Variants in PCDHGA7 observed in about 807,000 individuals in gnomAD.
PCDHGA7 encodes the protein protocadherin gamma-A7.
Under a neutral mutation model 58.3 loss-of-function variants are expected in PCDHGA7, and 44 were observed. The ratio of observed to expected loss-of-function variants is 0.75; its 90% CI spans 0.59 to 0.97. The LOEUF (loss-of-function observed/expected upper bound fraction) is 0.97, where lower values mean the gene tolerates loss of function less well. PCDHGA7 is among the 50% of genes least tolerant of loss of function. The pLI is 0.00. For synonymous variants in PCDHGA7, 516 were observed against 504.2 expected (o/e 1.02, Z -0.31); for missense variants, 1,266 against 1,188.7 (o/e 1.06, Z -0.96).
At position 141,511,916 on chromosome 5, in the gene PCDHGA7, C is replaced by T. The variant is rs2099884006; in HGVS notation, c.*743C>T. ...CCACCTCCTCCTCAAACAAGAGACT[C>T]CACTGCATGTTCCAAGACAGTATGG... On this transcript the variant is annotated 3_prime_UTR_variant, in exon 4 of 4. Coordinates refer to ENST00000518325, the MANE Select transcript of PCDHGA7 (RefSeq NM_018920.4). The T allele has an allele frequency of 6.4e-6, 1 of 156,466 alleles. No individual in the cohort carries two copies. The highest frequency in any genetic ancestry group is 2.4e-5 in the African/African-American group (1 of 41,474). The allele number at this position is 156,466 out of a possible 1,614,324, so 9.7% of individuals were successfully genotyped here.
chr5:141,479,328 G>A (rs568506786), intron 1 of PCDHGA7: 1 of 152,654 alleles, frequency 6.6e-6, no homozygotes, highest in East Asian at 1.9e-4. Flanking sequence ...CAGACTCAGT[G>A]GTGTGCACCT....
In PCDHGA7 at chr5:141,505,363, T is replaced by C. The variant is rs751635403; in HGVS notation, c.2484-30T>C. 1.6e-5 allele frequency: 26 copies of C among 1,613,242 alleles called. No individual in the cohort carries two copies. In the Middle Eastern group the frequency reaches 9.9e-4, roughly 61 times the overall value. On this transcript the variant is annotated intron_variant, in intron 2 of 3. Transcript: ENST00000518325. ...GGCATGAGCTGTGCCGGCCTGGGAG[T>C]CTGTGCTCACCATCCTACTCTCTCC... is the stretch of plus-strand genomic sequence containing the variant.
chr5:141,423,759 G>C, intron 1 of PCDHGA7: 1 of 321,042 alleles, frequency 3.1e-6, no homozygotes, highest in Non-Finnish European at 4.5e-6. Flanking sequence ...TTGGGGGGGG[G>C]GTGGGGCGGC....
intron 1 of PCDHGA7, among the ~76,000 whole-genome samples, chr5:141,386,562 A>G (rs979902403): frequency 3.0e-4 from 45 of 152,130 alleles, no homozygotes; most frequent in Non-Finnish European, 4.7e-4. Context: ...TATTTTGCAC[A>G]TGATAGACTC....
intron 1 of PCDHGA7, chr5:141,430,898 G>A: frequency 6.2e-7 from 1 of 1,605,834 alleles, no homozygotes; most frequent in East Asian, 2.2e-5. Flanking sequence ...TAGGGTGGGC[G>A]ACATCTCCAG....
intron 1 of PCDHGA7, chr5:141,410,296 A>G (rs1424650333): frequency 6.2e-7 from 1 of 1,613,774 alleles, no homozygotes; most frequent in Admixed American, 1.7e-5. Flanking sequence ...CCTTGGCCTT[A>G]ATCTCAGTGC....
chr5:141,406,406 C>T (rs976555739), intron 1 of PCDHGA7, among the ~76,000 whole-genome samples: 18 of 152,174 alleles, frequency 1.2e-4, no homozygotes, highest in Non-Finnish European at 1.8e-4. Context: ...CTTAGAGAAA[C>T]AGCTGAAAGC....
chr5:141,479,572 T>G (rs956648090), intron 1 of PCDHGA7: 2 of 152,190 alleles, frequency 1.3e-5, no homozygotes, highest in African/African-American at 2.4e-5. Context: ...TGGGATGACA[T>G]CTGTGAATAG....
chr5:141,509,550 T>C (rs1562240751), intron 3 of PCDHGA7, among the ~76,000 whole-genome samples: 1 of 152,142 alleles, frequency 6.6e-6, no homozygotes, highest in Non-Finnish European at 1.5e-5. Flanking sequence ...TCTCATTTAG[T>C]CCTCACAGCA....
chr5:141,431,093 G>A lies in PCDHGA7; in HGVS notation c.2424+45770G>A. 6.2e-7 allele frequency: 1 copy of A among 1,614,250 alleles called. No individual in the cohort carries two copies. The highest frequency in any genetic ancestry group is 8.5e-7 in the Non-Finnish European group (1 of 1,180,032). On this transcript the variant is annotated intron_variant, in intron 1 of 3. Transcript: ENST00000518325. The surrounding 1 kb of genome is among the most constrained non-coding windows in gnomAD (Gnocchi z 4.8). Reference sequence around the variant, plus strand: ...ATTAAATCTAGACATTCTGATGGAGGATAAAGTGAAAATATATGGAGTAGA... The same window carrying A: ...ATTAAATCTAGACATTCTGATGGAGAATAAAGTGAAAATATATGGAGTAGA...
chr5:141,503,528 G>A (rs1411240550), intron 2 of PCDHGA7, among the ~76,000 whole-genome samples: 2 of 151,470 alleles, frequency 1.3e-5, no homozygotes, highest in Non-Finnish European at 2.9e-5. Flanking sequence ...GAACCTGGGA[G>A]GCAGAGGTTG....
intron 1 of PCDHGA7, among the ~76,000 whole-genome samples, chr5:141,468,962 C>T (rs2099187487): frequency 6.7e-6 from 1 of 148,782 alleles, no homozygotes; most frequent in Non-Finnish European, 1.5e-5. Context: ...GTTTTTTTTA[C>T]CTTAGGCTTT....
chr5:141,419,566 C>T (rs765992004), intron 1 of PCDHGA7: 4 of 1,611,790 alleles, frequency 2.5e-6, no homozygotes, highest in East Asian at 2.2e-5. Flanking sequence ...CGCTGGGTCC[C>T]GACGGCTCCG....
intron 3 of PCDHGA7, 157 bp downstream of exon 3, chr5:141,505,638 T>C: frequency 1.0e-6 from 1 of 968,044 alleles, no homozygotes; most frequent in Non-Finnish European, 1.2e-6. Context: ...ACATAAAGCC[T>C]GGAATTGTGG....
Position 141,491,482 on chromosome 5 carries a change from A to G in PCDHGA7, c.2425-3325A>G. On this transcript the variant is annotated intron_variant, in intron 1 of 3. Coordinates refer to ENST00000518325, the MANE Select transcript of PCDHGA7 (RefSeq NM_018920.4). The surrounding 1 kb of genome is among the most constrained non-coding windows in gnomAD (Gnocchi z 6.9). Reference sequence around the variant, plus strand: ...GGACTTCTATAAGCAGTCCAGCCCCAACCTGCAGGTGAGCTCGGACGGCAC... The same window carrying G: ...GGACTTCTATAAGCAGTCCAGCCCCGACCTGCAGGTGAGCTCGGACGGCAC... 1 of 1,614,088 alleles carries G rather than the reference A, an allele frequency of 6.2e-7. No individual in the cohort carries two copies. The highest frequency in any genetic ancestry group is 8.5e-7 in the Non-Finnish European group (1 of 1,180,006).
intron 1 of PCDHGA7, chr5:141,415,909 C>T: frequency 2.6e-6 from 2 of 761,032 alleles, no homozygotes; most frequent in Non-Finnish European, 3.7e-6. Context: ...GACTTCCATA[C>T]AGAAGTGCCT....
rs922668811 is a variant in PCDHGA7 at position 141,432,984 on chromosome 5, G to A, written c.2424+47661G>A. On this transcript the variant is annotated intron_variant, in intron 1 of 3. Transcript: ENST00000518325. This position sits in a 1 kb window ranked among gnomAD's most constrained non-coding sequence, Gnocchi z 6.0. ...GGAGCGCCGGCGTCGCACTTTGTGG[G>A]CGTGGACGGGGTGCAGGCTTTCCTG... 1.9e-6 allele frequency: 3 copies of A among 1,614,214 alleles called. No individual in the cohort carries two copies. Among genetic ancestry groups the A allele is most frequent in the Admixed American group, 1.7e-5 (1 of 60,028 alleles).
rs549842756 is a variant in PCDHGA7 at position 141,470,331 on chromosome 5, A to T, written c.2425-24476A>T. ...TTTCCTCAAATGATCCCATAATTTG[A>T]CCTTAGGAAGCTGTTCAAATAGACA... is the stretch of plus-strand genomic sequence containing the variant. On this transcript the variant is annotated intron_variant, in intron 1 of 3. Transcript: ENST00000518325. 3.3e-4 allele frequency among the ~76,000 whole-genome samples: 50 copies of T among 152,244 alleles called. 1 individual carries two copies. Among genetic ancestry groups the T allele is most frequent in the African/African-American group, 1.1e-3 (47 of 41,536 alleles).
At chr5:141,407,851 C>T (rs2094989102) in intron 1 of PCDHGA7, among the ~76,000 whole-genome samples, 1 of 152,194 alleles carries the variant, frequency 6.6e-6, no homozygotes, top group Non-Finnish European at 1.5e-5. Flanking sequence ...GGGGGATGTA[C>T]ACCTGCATTT....
Sources: allele counts gnomAD v4.1 joint callset (sites outside exome capture counted in the v4.1 genomes callset), GRCh38; gene constraint gnomAD v4.1.1; non-coding constraint Gnocchi (gnomAD v3.1); transcripts MANE v1.5; gene names NCBI Gene and HGNC (gene_info 2026-07-23, HGNC 2026-07-21).